Variants in RGS12 observed in about 807,000 individuals in gnomAD.
RGS12 encodes regulator of G-protein signaling 12.
In RGS12, 66 loss-of-function variants were observed where a neutral mutation model predicts 120.1. The observed-to-expected ratio is 0.55, with a 90% CI of 0.45 to 0.67. RGS12 has a LOEUF of 0.67. Ranked by LOEUF, RGS12 falls within the 30% of genes least tolerant of loss-of-function variation. The pLI, the probability that RGS12 is intolerant of heterozygous loss-of-function variation, is 0.00. For missense variants in RGS12, 1,859 were observed against 1,957.7 expected (o/e 0.95, Z 0.95); for synonymous variants, 827 against 804.7 (o/e 1.03, Z -0.47).
At chr4:3,405,438 A>G (rs1721005689) in intron 4 of RGS12, among the ~76,000 whole-genome samples, 1 of 152,206 alleles carries the variant, frequency 6.6e-6, no homozygotes, top group African/African-American at 2.4e-5. Context: ...CAGTCTTAAA[A>G]ATAACCAGCC....
intron 3 of RGS12, among the ~76,000 whole-genome samples, chr4:3,355,953 C>T (rs1201041782): frequency 6.6e-6 from 1 of 151,412 alleles, no homozygotes; most frequent in East Asian, 1.9e-4. Flanking sequence ...CCTATAGATT[C>T]AGTGCAGTTT....
At chr4:3,304,447 G>A (rs1481183952) in intron 1 of RGS12, among the ~76,000 whole-genome samples, 1 of 152,166 alleles carries the variant, frequency 6.6e-6, no homozygotes, top group Non-Finnish European at 1.5e-5. Flanking sequence ...GAGGGAGGCC[G>A]CTTTCTCCCG....
At chr4:3,426,680 G>C (rs1202296409) in intron 14 of RGS12, 2 of 152,170 alleles carry the variant, frequency 1.3e-5, no homozygotes, top group Non-Finnish European at 2.9e-5. Flanking sequence ...ACCTCATCCT[G>C]ACGCGCAGGA....
rs148763505 is a variant in RGS12, at chr4:3,430,781, G to A, written c.3940G>A (p.Ala1314Thr). The change falls in exon 17 of 18, where the codon GCC becomes ACC. Residue 1314 changes from alanine to threonine, a missense_variant. By Grantham distance (58) the Ala-to-Thr change is moderately conservative (BLOSUM62 0). Around this residue, in one of 3 missense-constraint regions of RGS12, gnomAD observed 517 missense variants for 488.5 expected, o/e 1.06. Transcript: ENST00000336727. ...SPVSLAQEGT[A>T]QIWKRQSQEV... is the part of the protein sequence containing the mutation. ...CGTCTCCCTCGCGCAGGAGGGCACC[G>A]CCCAGATCTGGAAGAGGCAGTCTCA... The A allele has an allele frequency of 9.7e-5, 156 of 1,611,398 alleles. No individual in the cohort carries two copies. The East Asian group carries it at 2.6e-3, about 27-fold the overall frequency.
intron 6 of RGS12, 84 bp from the exon 7 acceptor site, chr4:3,415,894 G>GC: frequency 6.8e-7 from 1 of 1,461,300 alleles, no homozygotes. Flanking sequence ...CATCTGTAGA[G>GC]CCCGGGGGTG....
intron 4 of RGS12, among the ~76,000 whole-genome samples, chr4:3,395,047 G>C (rs1395302358): frequency 6.6e-6 from 1 of 152,022 alleles, no homozygotes; most frequent in East Asian, 1.9e-4. Flanking sequence ...AAAAACATTA[G>C]CTGGATGTGG....
chr4:3,416,194 C>T, intron 7 of RGS12, 73 bp downstream of exon 7: 1 of 1,536,790 alleles, frequency 6.5e-7, no homozygotes, highest in South Asian at 1.2e-5. Flanking sequence ...CTTCAAAGAA[C>T]ACGTGCTATC....
chr4:3,385,133 G>A (rs993016059), intron 3 of RGS12: 3 of 152,264 alleles, frequency 2.0e-5, no homozygotes, highest in African/African-American at 4.8e-5. Flanking sequence ...GCGTGGGGGG[G>A]TCTTAAAGCC....
rs560328796 is a variant in RGS12 at position 3,365,957 on chromosome 4, C to T, written c.1999-20459C>T. On this transcript the variant is annotated intron_variant, in intron 3 of 17. Transcript: ENST00000336727. This position sits in a 1 kb window ranked among gnomAD's most constrained non-coding sequence, Gnocchi z 4.0. ...TTGGCTCTGGGGAGGCAGTGGGGAA[C>T]ATGCTCAGTGTTGACCCCTCCCTGC... 4.1e-4 allele frequency among the ~76,000 whole-genome samples: 63 copies of T among 152,288 alleles called. No individual in the cohort carries two copies. The highest frequency in any genetic ancestry group is 1.5e-3 in the African/African-American group (61 of 41,554).
At chr4:3,349,709 A>T (rs1171121997) in intron 3 of RGS12, among the ~76,000 whole-genome samples, 1 of 152,202 alleles carries the variant, frequency 6.6e-6, no homozygotes, top group Non-Finnish European at 1.5e-5. Flanking sequence ...AGTATTTTAT[A>T]GATGAGAACC....
intron 16 of RGS12, among the ~76,000 whole-genome samples, chr4:3,430,169 G>T (rs1724111878): frequency 6.6e-6 from 1 of 152,206 alleles, no homozygotes; most frequent in South Asian, 2.1e-4. Flanking sequence ...ACACAGCGTG[G>T]TTTTTAGGGA....
chr4:3,348,204 C>A (rs1326999174), intron 3 of RGS12, among the ~76,000 whole-genome samples: 1 of 152,170 alleles, frequency 6.6e-6, no homozygotes, highest in African/African-American at 2.4e-5. Flanking sequence ...GCACAGGTCA[C>A]TATTAGATAA....
At chr4:3,358,193 TC>T (rs1330479288) in intron 3 of RGS12, among the ~76,000 whole-genome samples, 12 of 152,326 alleles carry the variant, frequency 7.9e-5, no homozygotes, top group African/African-American at 2.9e-4. Flanking sequence ...TGACTTTGTG[TC>T]CTCCTGTTGG....
At position 3,365,386 on chromosome 4, in the gene RGS12, G is replaced by A. The variant is rs1284993435; in HGVS notation, c.1999-21030G>A. On this transcript the variant is annotated intron_variant, in intron 3 of 17. Transcript: ENST00000336727. The surrounding 1 kb of genome is among the most constrained non-coding windows in gnomAD (Gnocchi z 4.0). ...AGGGAGACAGGTGAGAGGAGGGAGG[G>A]AGGACAGGTCTTGAGGGAGGGAGGA... Among the ~76,000 whole-genome samples the A allele has an allele frequency of 1.3e-5, 2 of 151,946 alleles. No individual in the cohort carries two copies. Among genetic ancestry groups the A allele is most frequent in the African/African-American group, 4.8e-5 (2 of 41,382 alleles).
chr4:3,386,354 TC>T (rs1385838509), intron 3 of RGS12, 61 bp from the exon 4 acceptor site: 2 of 1,514,732 alleles, frequency 1.3e-6, no homozygotes, highest in South Asian at 2.3e-5. Flanking sequence ...GATGGACTTT[TC>T]GTTTCCTGGA....
intron 3 of RGS12, among the ~76,000 whole-genome samples, chr4:3,364,018 G>A (rs867771013): frequency 6.6e-6 from 1 of 152,198 alleles, no homozygotes; most frequent in African/African-American, 2.4e-5. Context: ...ATGGTCTGTG[G>A]TTTCAAACGC....
chr4:3,332,785 A>G (rs1712005522), intron 2 of RGS12, among the ~76,000 whole-genome samples: 1 of 152,170 alleles, frequency 6.6e-6, no homozygotes, highest in South Asian at 2.1e-4. Context: ...TTCTAGCCAG[A>G]TGTATAATCT....
intron 3 of RGS12, among the ~76,000 whole-genome samples, chr4:3,376,208 G>A (rs774717596): frequency 5.3e-5 from 8 of 150,836 alleles, no homozygotes; most frequent in Admixed American, 1.3e-4. Context: ...CCCTGGTTCA[G>A]TTCCTTCTGA....
chr4:3,439,107 C>G (rs540416107), intron 17 of RGS12, among the ~76,000 whole-genome samples: 1 of 151,882 alleles, frequency 6.6e-6, no homozygotes, highest in Admixed American at 6.5e-5. Context: ...CCTGAGGACG[C>G]CCCCAGGAGG....
Sources: gnomAD v4.1 joint callset for allele counts (sites outside exome capture counted in the v4.1 genomes callset) on GRCh38, gnomAD v4.1.1 for gene constraint, gnomAD v4.1.1 regional missense constraint, Gnocchi (gnomAD v3.1) non-coding constraint, MANE v1.5 for transcripts, NCBI Gene and HGNC (gene_info 2026-07-23, HGNC 2026-07-21) for gene names.